The following CASC3 variants were observed in gnomAD, a reference collection of about 807,000 sequenced individuals.
The protein encoded by CASC3 is CASC3 exon junction complex subunit.
CASC3 carries 30 observed loss-of-function variants against 80.5 expected under a neutral mutation model. That is an observed-to-expected ratio of 0.37 (90% CI 0.28 to 0.51). CASC3 has a LOEUF of 0.51. Ranked by LOEUF, CASC3 falls within the 20% of genes least tolerant of loss-of-function variation. The pLI is 0.94. For synonymous variants in CASC3, 312 were observed against 333.6 expected, an observed-to-expected ratio of 0.94 and a Z score of 0.70; for missense variants, 824 against 922.2, an observed-to-expected ratio of 0.89 and a Z score of 1.38.
At position 40,170,940 on chromosome 17, in the gene CASC3, CCGTG is replaced by C. The variant is rs1370637894; in HGVS notation, c.*537_*540del. 3 of 985,336 alleles carry C rather than the reference CCGTG, an allele frequency of 3.0e-6. No homozygotes were observed. The Admixed American group carries it at 1.8e-4, about 61-fold the overall frequency. 61.0% of individuals were successfully genotyped at this position (985,336 alleles called of 1,614,324 possible). ...CCCTCTGGATTCCCTTTTGACTCTT[CCGTG>C]CATCCCAGATAATGGAGAATGTATC... is the stretch of plus-strand genomic sequence containing the variant. On this transcript the variant is annotated 3_prime_UTR_variant, in exon 14 of 14. Coordinates refer to ENST00000264645, the MANE Select transcript of CASC3 (RefSeq NM_007359.5).
chr17:40,163,992 C>G lies in CASC3; in HGVS notation c.1297C>G (p.Pro433Ala), dbSNP rs1989377630. 2 of 1,614,088 alleles carry G rather than the reference C, an allele frequency of 1.2e-6. No individual in the cohort carries two copies. The highest frequency in any genetic ancestry group is 1.7e-6 in the Non-Finnish European group (2 of 1,180,028). The part of the protein sequence containing the change: ...EVPPPPEGLI[P>A]APPVPETTPT... Reference sequence around the variant, plus strand: ...GCCCCCTCCTCCTGAAGGACTGATTCCAGCACCTCCAGTCCCAGAAACCAC... The same window carrying G: ...GCCCCCTCCTCCTGAAGGACTGATTGCAGCACCTCCAGTCCCAGAAACCAC... The change falls in exon 7 of 14, where the codon CCA becomes GCA. Residue 433 changes from proline to alanine, a missense_variant. By Grantham distance (27) the Pro-to-Ala change is conservative (BLOSUM62 -1). Transcript: ENST00000264645.
chr17:40,170,736 T>C lies in CASC3; in HGVS notation c.*331T>C. On this transcript the variant is annotated 3_prime_UTR_variant, in exon 14 of 14. Coordinates refer to ENST00000264645, the MANE Select transcript of CASC3 (RefSeq NM_007359.5). ...TCTGCTGTTCTTCACTTCTGGGAAA[T>C]TGAAGTGTCTTCTGTTCCCAAGGAA... The C allele has an allele frequency of 1.0e-6, 1 of 985,568 alleles. No individual in the cohort carries two copies. The highest frequency in any genetic ancestry group is 1.2e-6 in the Non-Finnish European group (1 of 829,898). The allele number at this position is 985,568 out of a possible 1,614,324, so 61.1% of individuals were successfully genotyped here.
intron 3 of CASC3, among the ~76,000 whole-genome samples, chr17:40,143,184 A>G (rs1339598746): frequency 6.6e-6 from 1 of 152,010 alleles, no homozygotes; most frequent in East Asian, 1.9e-4. Flanking sequence ...GATGGCTCAC[A>G]CCTGTAATCC....
chr17:40,169,498 CCTT>C (rs1453055627), intron 12 of CASC3, 52 bp downstream of exon 12: 2 of 1,577,436 alleles, frequency 1.3e-6, no homozygotes, highest in Non-Finnish European at 8.6e-7. Flanking sequence ...AGTGGGCTTT[CCTT>C]CTCCCCAGAG....
chr17:40,162,631 A>G (rs980471505), intron 5 of CASC3, 94 bp from the exon 6 acceptor site: 15 of 1,163,622 alleles, frequency 1.3e-5, no homozygotes, highest in Non-Finnish European at 1.7e-5. Flanking sequence ...TAAAGTTCCT[A>G]TTGTCCCCCT....
intron 3 of CASC3, among the ~76,000 whole-genome samples, chr17:40,148,561 A>G (rs1296082863): frequency 6.6e-6 from 1 of 151,998 alleles, no homozygotes; most frequent in Non-Finnish European, 1.5e-5. Flanking sequence ...AGGTTTCACC[A>G]TGTTTTCCAG....
intron 3 of CASC3, among the ~76,000 whole-genome samples, chr17:40,154,869 G>A (rs1160626259): frequency 6.6e-6 from 1 of 151,982 alleles, no homozygotes; most frequent in African/African-American, 2.4e-5. Flanking sequence ...TTTATATGTG[G>A]GGTAAAGTAA....
At chr17:40,147,677 A>G (rs560240171) in intron 3 of CASC3, among the ~76,000 whole-genome samples, 1 of 152,224 alleles carries the variant, frequency 6.6e-6, no homozygotes, top group East Asian at 1.9e-4. Context: ...AGGAATGTGC[A>G]GGTTGATGAA....
intron 3 of CASC3, among the ~76,000 whole-genome samples, chr17:40,142,349 A>G (rs1988739779): frequency 6.6e-6 from 1 of 152,242 alleles, no homozygotes; most frequent in African/African-American, 2.4e-5. Context: ...ACTTGCTGAT[A>G]GGGGATAGCA....
At position 40,171,985 on chromosome 17, in the gene CASC3, A is replaced by G; in HGVS notation, c.*1580A>G. 7.8e-7 allele frequency: 1 copy of G among 1,289,862 alleles called. No homozygotes were observed. The highest frequency in any genetic ancestry group is 1.0e-6 in the Non-Finnish European group (1 of 988,792). The allele number at this position is 1,289,862 out of a possible 1,614,324, so 79.9% of individuals were successfully genotyped here. On this transcript the variant is annotated 3_prime_UTR_variant, in exon 14 of 14. Transcript: ENST00000264645. ...CCTTAAACCTGAAGATGTCTCCTCAAGCCTGTGGGCAGCATGCCCAGATTC... is the reference window on the plus strand; with the variant it reads ...CCTTAAACCTGAAGATGTCTCCTCAGGCCTGTGGGCAGCATGCCCAGATTC...
At chr17:40,165,406 T>C (rs373559199) in intron 7 of CASC3, among the ~76,000 whole-genome samples, 1 of 152,166 alleles carries the variant, frequency 6.6e-6, no homozygotes, top group African/African-American at 2.4e-5. Flanking sequence ...TGGGTCTTGC[T>C]ATATTGCCCA....
rs1291002115 is a variant in CASC3, at chr17:40,157,372, AATT to A, written c.298-4379_298-4377del. ...AAATAAATAAATAAATAAATAAATT[AATT>A]AATTAATTAATTAAAAGGGGCTGGG... On this transcript the variant is annotated intron_variant, in intron 3 of 13. Coordinates refer to ENST00000264645, the MANE Select transcript of CASC3 (RefSeq NM_007359.5). Among the ~76,000 whole-genome samples, 1,128 of 144,110 alleles carry A rather than the reference AATT, an allele frequency of 7.8e-3. 10 individuals carry two copies. The highest frequency in any genetic ancestry group is 0.026 in the African/African-American group (933 of 36,230). The allele number at this position is 144,110 out of a possible 152,430, so 94.5% of individuals were successfully genotyped here. A position where few individuals can be genotyped will look rare whatever the true frequency, so the allele number is the denominator to read the frequency against.
chr17:40,166,371 C>T (rs1368787799), intron 7 of CASC3, among the ~76,000 whole-genome samples: 1 of 152,192 alleles, frequency 6.6e-6, no homozygotes, highest in Admixed American at 6.6e-5. Flanking sequence ...CCAACCCAGA[C>T]CCCTGTGAAT....
In CASC3 at chr17:40,171,610, C is replaced by T. The variant is rs1410570098; in HGVS notation, c.*1205C>T. ...AAGGCCTAAGGAAGCCAGTCACCTTCTGGGCAAGGGCTCCTATCTTTCCTC... is the reference window on the plus strand; with the variant it reads ...AAGGCCTAAGGAAGCCAGTCACCTTTTGGGCAAGGGCTCCTATCTTTCCTC... On this transcript the variant is annotated 3_prime_UTR_variant, in exon 14 of 14. Transcript: ENST00000264645. 1.0e-6 allele frequency: 1 copy of T among 991,712 alleles called. No homozygotes were observed. The highest frequency in any genetic ancestry group is 1.7e-5 in the African/African-American group (1 of 57,344). The allele number at this position is 991,712 out of a possible 1,614,324, so 61.4% of individuals were successfully genotyped here. A position where few individuals can be genotyped will look rare whatever the true frequency, so the allele number is the denominator to read the frequency against.
intron 3 of CASC3, among the ~76,000 whole-genome samples, chr17:40,144,618 T>C (rs763655265): frequency 4.6e-5 from 7 of 150,982 alleles, no homozygotes; most frequent in Non-Finnish European, 7.4e-5. Flanking sequence ...GTACCGGGAT[T>C]ACAGGTGGAT....
intron 3 of CASC3, among the ~76,000 whole-genome samples, chr17:40,145,116 C>T (rs2145153218): frequency 6.6e-6 from 1 of 152,042 alleles, no homozygotes; most frequent in Admixed American, 6.5e-5. Flanking sequence ...CCACCTCGGC[C>T]TCCCAAGGTG....
intron 3 of CASC3, among the ~76,000 whole-genome samples, chr17:40,158,647 C>T (rs1445862613): frequency 2.0e-5 from 3 of 152,132 alleles, no homozygotes; most frequent in Non-Finnish European, 4.4e-5. Context: ...AGACCCAGCA[C>T]TTTCTGTGTC....
Position 40,170,932 on chromosome 17 carries a change from T to C in CASC3, c.*527T>C, listed in dbSNP as rs1236665405. 2.0e-6 allele frequency: 2 copies of C among 985,456 alleles called. No homozygotes were observed. The highest frequency in any genetic ancestry group is 2.4e-6 in the Non-Finnish European group (2 of 829,944). The allele number at this position is 985,456 out of a possible 1,614,324, so 61.0% of individuals were successfully genotyped here. On this transcript the variant is annotated 3_prime_UTR_variant, in exon 14 of 14. Transcript: ENST00000264645. ...TTTCTAGCCCCTCTGGATTCCCTTT[T>C]GACTCTTCCGTGCATCCCAGATAAT...
chr17:40,170,369 T>G, intron 13 of CASC3, 78 bp from the exon 14 acceptor site: 4 of 950,288 alleles, frequency 4.2e-6, no homozygotes, highest in Non-Finnish European at 5.0e-6. Flanking sequence ...GAAGTGTGGC[T>G]TTTTGAAAAC....
Sources: gnomAD v4.1 joint callset for allele counts (sites outside exome capture counted in the v4.1 genomes callset) on GRCh38, gnomAD v4.1.1 for gene constraint, MANE v1.5 for transcripts, NCBI Gene and HGNC (gene_info 2026-07-23, HGNC 2026-07-21) for gene names.